TGFB2: variants seen among roughly 807,000 people sequenced by gnomAD.
The protein encoded by TGFB2 is transforming growth factor beta 2.
A neutral mutation model predicts 42.7 loss-of-function variants in TGFB2; 13 were observed. The observed-to-expected ratio is 0.30, with a 90% confidence interval of 0.20 to 0.48. The LOEUF (loss-of-function observed/expected upper bound fraction) is 0.48. TGFB2 is among the 20% of genes least tolerant of loss of function. TGFB2 has a pLI of 0.99. For missense variants in TGFB2, 390 were observed against 517.5 expected (o/e 0.75, Z 2.39); for synonymous variants, 193 against 193.6 (o/e 1.00, Z 0.03).
At chr1:218,375,181 G>A (rs1657701179) in intron 1 of TGFB2, among the ~76,000 whole-genome samples, 2 of 152,036 alleles carry the variant, frequency 1.3e-5, no homozygotes, top group Admixed American at 1.3e-4. Context: ...ATAACAGACG[G>A]TGGTCCCTTC....
At chr1:218,372,201 T>A (rs182999388) in intron 1 of TGFB2, among the ~76,000 whole-genome samples, 1 of 152,256 alleles carries the variant, frequency 6.6e-6, no homozygotes, top group African/African-American at 2.4e-5. Flanking sequence ...TGGCTGGACA[T>A]CTGTATTTCT....
At chr1:218,363,403 T>C in intron 1 of TGFB2, 1 of 1,613,842 alleles carries the variant, frequency 6.2e-7, no homozygotes, top group South Asian at 1.1e-5. Flanking sequence ...TCCCAGGTGC[T>C]CTGTGGGTAC....
intron 2 of TGFB2, among the ~76,000 whole-genome samples, chr1:218,425,887 G>A (rs1385924366): frequency 2.6e-5 from 4 of 152,172 alleles, no homozygotes; most frequent in Non-Finnish European, 5.9e-5. Flanking sequence ...CTTGAGGTCA[G>A]GCAGATCTGA....
chr1:218,379,931 A>G (rs1404779238), intron 1 of TGFB2, among the ~76,000 whole-genome samples: 1 of 152,226 alleles, frequency 6.6e-6, no homozygotes, highest in African/African-American at 2.4e-5. Flanking sequence ...TATTTAGTCA[A>G]TAATAACAAT....
chr1:218,386,585 G>A (rs1214396802), intron 1 of TGFB2, among the ~76,000 whole-genome samples: 1 of 152,200 alleles, frequency 6.6e-6, no homozygotes, highest in Non-Finnish European at 1.5e-5. Context: ...GGTTCCTGAT[G>A]CTAATAGTTA....
intron 2 of TGFB2, among the ~76,000 whole-genome samples, chr1:218,427,565 A>G (rs1251567169): frequency 1.3e-5 from 2 of 151,932 alleles, no homozygotes; most frequent in African/African-American, 4.8e-5. Flanking sequence ...ATTCCCACCT[A>G]TGAGTGAGAA....
chr1:218,390,084 C>T (rs1039692371), intron 1 of TGFB2, among the ~76,000 whole-genome samples: 2 of 152,282 alleles, frequency 1.3e-5, no homozygotes, highest in African/African-American at 4.8e-5. Flanking sequence ...AAACCACTGG[C>T]TTTAATCAAG....
rs142802402 is a variant in TGFB2 at position 218,405,384 on chromosome 1, ACTCT to A, written c.510+67_510+70del. 8.7e-4 allele frequency: 1,307 copies of A among 1,497,464 alleles called. 4 individuals carry two copies. Among genetic ancestry groups the A allele is most frequent in the African/African-American group, 4.2e-3 (287 of 68,704 alleles). 92.8% of individuals were successfully genotyped at this position (1,497,464 alleles called of 1,614,324 possible). On this transcript the variant is annotated intron_variant, in intron 2 of 6. Transcript: ENST00000366930. ...TTGTTGTTGTTGTTGTTTTAGACAG[ACTCT>A]CTCTCTCTCTCTCTGTCACAGGCTA...
At chr1:218,369,554 C>T (rs572953400) in intron 1 of TGFB2, among the ~76,000 whole-genome samples, 2 of 152,292 alleles carry the variant, frequency 1.3e-5, no homozygotes, top group East Asian at 3.9e-4. Flanking sequence ...TGAGGAGCAG[C>T]CAGTTCTGCA....
intron 1 of TGFB2, among the ~76,000 whole-genome samples, chr1:218,402,481 T>G (rs2102591706): frequency 6.6e-6 from 1 of 152,098 alleles, no homozygotes; most frequent in South Asian, 2.1e-4. Context: ...AAAATTGACC[T>G]CATGGTCTGA....
chr1:218,421,353 G>T (rs2102612593), intron 2 of TGFB2, among the ~76,000 whole-genome samples: 2 of 145,332 alleles, frequency 1.4e-5, no homozygotes, highest in Admixed American at 1.4e-4. Context: ...TTCTGGATGT[G>T]TTTAAAATTC....
intron 1 of TGFB2, among the ~76,000 whole-genome samples, chr1:218,396,542 T>C (rs982735735): frequency 1.5e-5 from 2 of 134,154 alleles, no homozygotes; most frequent in Admixed American, 7.1e-5. Flanking sequence ...GTTTGGTTTC[T>C]TTTTTTTTTT....
intron 1 of TGFB2, among the ~76,000 whole-genome samples, chr1:218,362,514 C>T (rs1186095842): frequency 6.6e-6 from 1 of 152,214 alleles, no homozygotes; most frequent in Non-Finnish European, 1.5e-5. Context: ...TCCATGGATT[C>T]ACAGGAAATC....
At chr1:218,430,663 A>G (rs750040108) in intron 2 of TGFB2, among the ~76,000 whole-genome samples, 6 of 152,194 alleles carry the variant, frequency 3.9e-5, no homozygotes, top group Non-Finnish European at 8.8e-5. Flanking sequence ...TGGGAGATAA[A>G]CAGAGGATAG....
chr1:218,351,216 C>T (rs1039276090), intron 1 of TGFB2, among the ~76,000 whole-genome samples: 2 of 152,126 alleles, frequency 1.3e-5, no homozygotes, highest in African/African-American at 4.8e-5. Context: ...AAAATGTTAG[C>T]GATTGCTGGA....
At chr1:218,358,665 C>G (rs1218278769) in intron 1 of TGFB2, among the ~76,000 whole-genome samples, 1 of 151,450 alleles carries the variant, frequency 6.6e-6, no homozygotes, top group Admixed American at 6.6e-5. Context: ...TCTTCTGCCT[C>G]AGCCTCCCGA....
At chr1:218,355,279 A>G (rs1656996911) in intron 1 of TGFB2, among the ~76,000 whole-genome samples, 1 of 152,224 alleles carries the variant, frequency 6.6e-6, no homozygotes, top group African/African-American at 2.4e-5. Flanking sequence ...CCTATTTCAG[A>G]GAATTAATTT....
chr1:218,434,048 C>T, intron 2 of TGFB2, 34 bp from the exon 3 acceptor site: 1 of 1,610,034 alleles, frequency 6.2e-7, no homozygotes, highest in South Asian at 1.1e-5. Flanking sequence ...AGAATGCCAA[C>T]TCAGCCTTTT....
At chr1:218,437,556 G>A in intron 6 of TGFB2, 60 bp downstream of exon 6, 2 of 1,508,682 alleles carry the variant, frequency 1.3e-6, no homozygotes, top group Non-Finnish European at 8.9e-7. Context: ...CCTGCTGATA[G>A]TATTTCCAAA....
Sources: allele counts gnomAD v4.1 joint callset (sites outside exome capture counted in the v4.1 genomes callset), GRCh38; gene constraint gnomAD v4.1.1; transcripts MANE v1.5; gene names NCBI Gene and HGNC (gene_info 2026-07-23, HGNC 2026-07-21).